PCDHA9: variants seen among roughly 807,000 people sequenced by gnomAD.
PCDHA9 encodes the protein protocadherin alpha-9.
A neutral mutation model predicts 62.0 loss-of-function variants in PCDHA9; 62 were observed. That is an observed-to-expected ratio of 1.00 (90% CI 0.81 to 1.23). The LOEUF (loss-of-function observed/expected upper bound fraction) is 1.23, where lower values mean the gene tolerates loss of function less well. Ranked by LOEUF, PCDHA9 falls within the 50% of genes most tolerant of loss-of-function variation. The probability of loss-of-function intolerance (pLI) is 0.00; values close to 1 mark genes in which losing one functional copy is unlikely to be tolerated. For synonymous variants in PCDHA9, 557 were observed against 567.6 expected, an observed-to-expected ratio of 0.98 and a Z score of 0.27; for missense variants, 1,205 against 1,249.8, an observed-to-expected ratio of 0.96 and a Z score of 0.54.
chr5:140,857,783 C>T lies in PCDHA9; in HGVS notation c.2394+6894C>T, dbSNP rs782463412. 1.5e-5 allele frequency: 24 copies of T among 1,597,710 alleles called. No individual in the cohort carries two copies. The East Asian group carries it at 4.7e-4, about 31-fold the overall frequency. ...CAGCGCGGGCGGTGCAGTCAGTGAG[C>T]TGGTGCTGCGGTCGGTGGTTGCGGG... is the stretch of plus-strand genomic sequence containing the variant. On this transcript the variant is annotated intron_variant, in intron 1 of 3. Transcript: ENST00000532602.
At chr5:140,851,067 G>T in intron 1 of PCDHA9, 178 bp downstream of exon 1, 7 of 1,367,668 alleles carry the variant, frequency 5.1e-6, no homozygotes, top group Non-Finnish European at 6.7e-6. Context: ...CTTCTAGTGA[G>T]AATTATAAAC....
intron 1 of PCDHA9, among the ~76,000 whole-genome samples, chr5:140,932,302 G>A (rs565143074): frequency 6.6e-6 from 1 of 151,800 alleles, no homozygotes; most frequent in African/African-American, 2.4e-5. Context: ...AATTTTTAAA[G>A]GTATAAATAT....
At chr5:140,922,144 A>C (rs906517842) in intron 1 of PCDHA9, among the ~76,000 whole-genome samples, 5 of 151,922 alleles carry the variant, frequency 3.3e-5, no homozygotes, top group African/African-American at 1.2e-4. Flanking sequence ...TCCTCCATGA[A>C]ACTCATCAAA....
chr5:140,967,576 A>T (rs2096159229), intron 1 of PCDHA9: 1 of 1,613,838 alleles, frequency 6.2e-7, no homozygotes, highest in African/African-American at 1.3e-5. Context: ...GGGAGGACTC[A>T]CCCCCAGGCA....
At chr5:140,874,134 C>T (rs2054725501) in intron 1 of PCDHA9, among the ~76,000 whole-genome samples, 1 of 152,122 alleles carries the variant, frequency 6.6e-6, no homozygotes, top group African/African-American at 2.4e-5. Flanking sequence ...TTTAAGTTAT[C>T]TTATACTTGT....
chr5:140,978,791 A>T (rs1443899144), intron 1 of PCDHA9, 158 bp from the exon 2 acceptor site: 1 of 976,042 alleles, frequency 1.0e-6, no homozygotes, highest in South Asian at 4.7e-5. Flanking sequence ...AAAGTGCTAT[A>T]TATGTAGATA....
chr5:140,990,157 T>C (rs113813870), intron 3 of PCDHA9, among the ~76,000 whole-genome samples: 6 of 152,050 alleles, frequency 3.9e-5, no homozygotes, highest in African/African-American at 1.2e-4. Flanking sequence ...AATAGAAAGT[T>C]AGGGTATGAA....
chr5:140,968,383 T>C, intron 1 of PCDHA9: 1 of 1,614,044 alleles, frequency 6.2e-7, no homozygotes. Context: ...CCTTTGACTA[T>C]GAGAAGTTTC....
rs186341301 is a variant in PCDHA9 at position 140,890,770 on chromosome 5, A to G, written c.2394+39881A>G. Among the ~76,000 whole-genome samples the G allele has an allele frequency of 8.0e-3, 1,216 of 152,240 alleles. 6 individuals are homozygous for G. Among genetic ancestry groups the G allele is most frequent in the African/African-American group, 0.019 (786 of 41,520 alleles). On this transcript the variant is annotated intron_variant, in intron 1 of 3. Transcript: ENST00000532602. Reference sequence around the variant, plus strand: ...CTGTCATGCTTTAAAAATATTTTAAAACCCCATAAGATATTAGTATTATTT... The same window carrying G: ...CTGTCATGCTTTAAAAATATTTTAAGACCCCATAAGATATTAGTATTATTT...
intron 1 of PCDHA9, chr5:140,928,173 C>T (rs1554205586): frequency 1.2e-6 from 2 of 1,614,170 alleles, no homozygotes; most frequent in Admixed American, 1.7e-5. Flanking sequence ...CACTTAGCAC[C>T]CGAAGGACAA....
chr5:140,981,917 A>G (rs1465971302), intron 2 of PCDHA9, among the ~76,000 whole-genome samples: 1 of 152,218 alleles, frequency 6.6e-6, no homozygotes, highest in Non-Finnish European at 1.5e-5. Flanking sequence ...GTGGTGATCA[A>G]GTTTCTCTAG....
rs898079440 is a variant in PCDHA9, at chr5:140,897,263, A to T, written c.2394+46374A>T. Among the ~76,000 whole-genome samples, 4 of 151,888 alleles carry T rather than the reference A, an allele frequency of 2.6e-5. No individual in the cohort carries two copies. The South Asian group carries it at 6.2e-4, about 24-fold the overall frequency. On this transcript the variant is annotated intron_variant, in intron 1 of 3. Transcript: ENST00000532602. Reference sequence around the variant, plus strand: ...TTAGTTACATATGTATACATGTGCCATGCTGGTGTGCTGCACCCATTAACT... The same window carrying T: ...TTAGTTACATATGTATACATGTGCCTTGCTGGTGTGCTGCACCCATTAACT...
intron 1 of PCDHA9, among the ~76,000 whole-genome samples, chr5:140,972,920 C>T (rs1343772789): frequency 6.6e-6 from 1 of 152,048 alleles, no homozygotes; most frequent in East Asian, 1.9e-4. Context: ...CCTTGGCCTC[C>T]CAAAGTGCTG....
At chr5:140,957,473 GA>G (rs1446179332) in intron 1 of PCDHA9, among the ~76,000 whole-genome samples, 1 of 151,954 alleles carries the variant, frequency 6.6e-6, no homozygotes, top group Non-Finnish European at 1.5e-5. Context: ...GTATGTATAG[GA>G]AAAAACATAG....
intron 1 of PCDHA9, chr5:140,966,695 C>G: frequency 7.4e-7 from 1 of 1,358,486 alleles, no homozygotes; most frequent in Non-Finnish European, 9.5e-7. Flanking sequence ...AGGCGGGGCC[C>G]GGGCGTGGGG....
intron 1 of PCDHA9, among the ~76,000 whole-genome samples, chr5:140,903,723 A>G (rs1361598477): frequency 6.6e-6 from 1 of 152,210 alleles, no homozygotes; most frequent in Non-Finnish European, 1.5e-5. Flanking sequence ...AATTCTCCCT[A>G]TTATCAATTA....
At chr5:140,914,921 T>C (rs895344325) in intron 1 of PCDHA9, among the ~76,000 whole-genome samples, 1 of 151,508 alleles carries the variant, frequency 6.6e-6, no homozygotes, top group Non-Finnish European at 1.5e-5. Context: ...TGTGTCTTAT[T>C]GTACTATGTT....
Position 140,848,795 on chromosome 5 carries a change from G to A in PCDHA9, c.300G>A (p.Ala100=). 3 of 1,592,816 alleles carry A rather than the reference G, an allele frequency of 1.9e-6. 1 individual carries two copies. Among genetic ancestry groups the A allele is most frequent in the Non-Finnish European group, 2.6e-6 (3 of 1,163,690 alleles). The change falls in exon 1 of 4, where the codon GCG becomes GCA. Residue 100 remains alanine (A), a synonymous_variant. Transcript: ENST00000532602. ...IDREELCGRS[A]ECSIHLEVIV... ...GCGAGGAGCTGTGCGGGCGGAGCGC[G>A]GAGTGCAGCATCCACCTGGAGGTGA...
At chr5:140,851,968 C>G (rs1409588887) in intron 1 of PCDHA9, 2 of 976,644 alleles carry the variant, frequency 2.0e-6, no homozygotes, top group African/African-American at 3.5e-5. Flanking sequence ...GTTTTCCACA[C>G]TCTACCTTTA....
Sources: gnomAD v4.1 joint callset for allele counts (sites outside exome capture counted in the v4.1 genomes callset) on GRCh38, gnomAD v4.1.1 for gene constraint, MANE v1.5 for transcripts, NCBI Gene and HGNC (gene_info 2026-07-23, HGNC 2026-07-21) for gene names.